Variants in STPG2 observed in about 807,000 individuals in gnomAD.
The protein encoded by STPG2 is sperm tail PG-rich repeat containing 2.
Under a neutral mutation model 54.2 loss-of-function variants are expected in STPG2, and 56 were observed. The ratio of observed to expected loss-of-function variants is 1.03; its 90% CI spans 0.83 to 1.29. The LOEUF (loss-of-function observed/expected upper bound fraction) is 1.29, where lower values mean the gene tolerates loss of function less well. STPG2 is among the 50% of genes most tolerant of loss of function. The probability of loss-of-function intolerance (pLI) is 0.00; values close to 1 mark genes in which losing one functional copy is unlikely to be tolerated. For missense variants in STPG2, 596 were observed against 544.9 expected, an observed-to-expected ratio of 1.09 and a Z score of -0.93; for synonymous variants, 200 against 181.8, an observed-to-expected ratio of 1.10 and a Z score of -0.81.
intron 8 of STPG2, among the ~76,000 whole-genome samples, chr4:97,935,156 G>C (rs748736037): frequency 1.3e-5 from 2 of 152,130 alleles, no homozygotes; most frequent in Non-Finnish European, 2.9e-5. Flanking sequence ...GGTGTTTATA[G>C]TATTATCTAA....
chr4:97,942,311 A>AGCTTTT (rs1733018230), intron 8 of STPG2, among the ~76,000 whole-genome samples: 1 of 152,000 alleles, frequency 6.6e-6, no homozygotes, highest in African/African-American at 2.4e-5. Flanking sequence ...ATTAGTAATA[A>AGCTTTT]ATTAGTCATG....
chr4:97,685,685 T>TA (rs1271895293), intron 10 of STPG2, among the ~76,000 whole-genome samples: 2 of 152,180 alleles, frequency 1.3e-5, no homozygotes, highest in African/African-American at 4.8e-5. Context: ...AACACTAATG[T>TA]AAATTATGGA....
At chr4:97,941,516 G>GT (rs1436770847) in intron 8 of STPG2, among the ~76,000 whole-genome samples, 3 of 151,698 alleles carry the variant, frequency 2.0e-5, no homozygotes, top group Non-Finnish European at 4.4e-5. Context: ...TTATGTCATG[G>GT]TTTTTTTAAA....
At chr4:97,739,689 C>T (rs1293780513) in intron 9 of STPG2, among the ~76,000 whole-genome samples, 1 of 152,126 alleles carries the variant, frequency 6.6e-6, no homozygotes, top group Non-Finnish European at 1.5e-5. Context: ...CTGAATAGAC[C>T]AATAACAGGC....
chr4:97,904,940 G>A (rs1272162700), intron 8 of STPG2, among the ~76,000 whole-genome samples: 1 of 152,072 alleles, frequency 6.6e-6, no homozygotes, highest in Non-Finnish European at 1.5e-5. Flanking sequence ...AAGCCTCCAA[G>A]AAATATGGGA....
At chr4:97,517,640 T>C (rs372376879) in intron 4 of STPG2, among the ~76,000 whole-genome samples, 3 of 152,236 alleles carry the variant, frequency 2.0e-5, no homozygotes, top group South Asian at 2.1e-4. Flanking sequence ...ATTTTATTTA[T>C]TACATTATTT....
intron 8 of STPG2, among the ~76,000 whole-genome samples, chr4:97,854,463 T>A (rs1729266978): frequency 6.7e-6 from 1 of 148,428 alleles, no homozygotes; most frequent in Admixed American, 6.7e-5. Context: ...AACAATATAA[T>A]ATAATGTATC....
chr4:97,962,678 T>C (rs1733933671), intron 7 of STPG2, among the ~76,000 whole-genome samples: 1 of 152,216 alleles, frequency 6.6e-6, no homozygotes, highest in African/African-American at 2.4e-5. Context: ...GTTTTTTGAT[T>C]CACTTAGTAT....
At chr4:97,630,327 G>C (rs1721235335) in intron 10 of STPG2, among the ~76,000 whole-genome samples, 2 of 151,690 alleles carry the variant, frequency 1.3e-5, no homozygotes, top group South Asian at 4.1e-4. Context: ...TGTTTTAAAA[G>C]TATACTTGAA....
intron 1 of STPG2, among the ~76,000 whole-genome samples, chr4:98,136,325 T>C (rs2110169804): frequency 6.6e-6 from 1 of 151,850 alleles, no homozygotes; most frequent in Non-Finnish European, 1.5e-5. Flanking sequence ...TTTGAAAATA[T>C]AGTAAATTGA....
At chr4:97,473,907 T>A (rs909563482) in intron 4 of STPG2, among the ~76,000 whole-genome samples, 2 of 152,134 alleles carry the variant, frequency 1.3e-5, no homozygotes, top group Admixed American at 6.5e-5. Context: ...GATATCTGGC[T>A]GAGTTTCCCC....
chr4:97,877,454 T>C (rs1310301307), intron 8 of STPG2, among the ~76,000 whole-genome samples: 1 of 152,090 alleles, frequency 6.6e-6, no homozygotes, highest in East Asian at 1.9e-4. Context: ...GAAAAAGAAG[T>C]TTAACGGACT....
At chr4:97,521,415 T>A (rs1731177917) in intron 4 of STPG2, among the ~76,000 whole-genome samples, 2 of 151,994 alleles carry the variant, frequency 1.3e-5, no homozygotes, top group African/African-American at 4.8e-5. Flanking sequence ...AGAGCTAGGA[T>A]AAGAAACAAG....
intron 5 of STPG2, among the ~76,000 whole-genome samples, chr4:98,101,056 T>C (rs888280927): frequency 8.0e-6 from 1 of 124,902 alleles, no homozygotes; most frequent in South Asian, 2.7e-4. Context: ...TTATTTCTTC[T>C]TGCCTTTTAC....
intron 4 of STPG2, among the ~76,000 whole-genome samples, chr4:97,451,227 T>C: frequency 6.6e-6 from 1 of 152,138 alleles, no homozygotes; most frequent in East Asian, 1.9e-4. Context: ...CCAAGAGAAG[T>C]GAATGTATCT....
At chr4:98,059,086 G>C (rs543828631) in intron 5 of STPG2, among the ~76,000 whole-genome samples, 1 of 151,012 alleles carries the variant, frequency 6.6e-6, no homozygotes, top group African/African-American at 2.4e-5. Flanking sequence ...TAGTAAGATA[G>C]ATAGGCCGCT....
chr4:97,562,973 G>A (rs943596397), intron 10 of STPG2, among the ~76,000 whole-genome samples: 8 of 152,138 alleles, frequency 5.3e-5, no homozygotes, highest in Non-Finnish European at 1.2e-4. Context: ...AGTTAGGGAG[G>A]ATTCCCTCTT....
intron 3 of STPG2, among the ~76,000 whole-genome samples, chr4:98,114,672 T>G (rs1279470927): frequency 2.0e-5 from 3 of 151,980 alleles, no homozygotes; most frequent in Non-Finnish European, 4.4e-5. Context: ...TTCACAATTC[T>G]AATAGTAATC....
At chr4:97,986,244 T>A (rs1734828734) in intron 5 of STPG2, among the ~76,000 whole-genome samples, 1 of 152,198 alleles carries the variant, frequency 6.6e-6, no homozygotes, top group African/African-American at 2.4e-5. Flanking sequence ...CCAAGTTAAA[T>A]AAGATAATCA....
Sources: gnomAD v4.1 joint callset for allele counts (sites outside exome capture counted in the v4.1 genomes callset) on GRCh38, gnomAD v4.1.1 for gene constraint, MANE v1.5 for transcripts, NCBI Gene and HGNC (gene_info 2026-07-23, HGNC 2026-07-21) for gene names.